The following SOAT2 variants were observed in gnomAD, a reference collection of about 807,000 sequenced individuals.
SOAT2 encodes ACAT-2.
In SOAT2, 87 loss-of-function variants were observed where a neutral mutation model predicts 76.0. The observed-to-expected ratio is 1.14, with a 90% CI of 0.96 to 1.37. The LOEUF is 1.37. SOAT2 is among the 40% of genes most tolerant of loss of function. SOAT2 has a pLI of 0.00. For synonymous variants in SOAT2, 285 were observed against 275.4 expected (o/e 1.03, Z -0.34); for missense variants, 686 against 682.1 (o/e 1.01, Z -0.06).
In SOAT2 at chr12:53,124,340, A is replaced by G. The variant is rs763907772; in HGVS notation, c.*217A>G. 12 of 601,594 alleles carry G rather than the reference A, an allele frequency of 2.0e-5. No individual in the cohort carries two copies. The highest frequency in any genetic ancestry group is 3.3e-5 in the Non-Finnish European group (11 of 336,712). 37.3% of individuals were successfully genotyped at this position (601,594 alleles called of 1,614,324 possible). The stretch of plus-strand genomic sequence containing the variant: ...TGGGGGTGACCAGGGTGACTCTTCA[A>G]TCCCTATCCCCATGGGCTGGGTACA... On this transcript the variant is annotated 3_prime_UTR_variant, in exon 15 of 15. Transcript: ENST00000301466.
rs747763237 is a variant in SOAT2, at chr12:53,121,356, G to A, written c.1191G>A (p.Val397=). The A allele has an allele frequency of 1.9e-6, 3 of 1,614,140 alleles. No individual in the cohort carries two copies. The highest frequency in any genetic ancestry group is 4.5e-5 in the East Asian group (2 of 44,884). ...ACTACTACCGCACTTGGAACGTGGT[G>A]GTCCATGACTGGCTGTACAGCTACG... ...FSNYYRTWNV[V]VHDWLYSYVY... The change falls in exon 12 of 15, where the codon GTG becomes GTA. Residue 397 remains valine (V), a synonymous_variant. Coordinates refer to ENST00000301466, the MANE Select transcript of SOAT2 (RefSeq NM_003578.4).
chr12:53,106,072 T>C, intron 5 of SOAT2, 58 bp downstream of exon 5: 1 of 1,251,272 alleles, frequency 8.0e-7, no homozygotes. Flanking sequence ...CTCTGGGTCC[T>C]CAGTGCCCCA....
intron 12 of SOAT2, among the ~76,000 whole-genome samples, 181 bp downstream of exon 12, chr12:53,121,582 C>T (rs1475784902): frequency 1.3e-5 from 2 of 152,124 alleles, no homozygotes; most frequent in African/African-American, 4.8e-5. Context: ...AAAGTCCTTG[C>T]AATCTTAACT....
chr12:53,118,510 T>A, intron 8 of SOAT2, 76 bp downstream of exon 8: 5 of 1,068,260 alleles, frequency 4.7e-6, no homozygotes, highest in Non-Finnish European at 7.3e-6. Context: ...CTCCCTGAGG[T>A]CCTCAGGCTC....
chr12:53,117,252 C>T (rs780828077), intron 7 of SOAT2, among the ~76,000 whole-genome samples: 15 of 149,558 alleles, frequency 1.0e-4, no homozygotes, highest in South Asian at 8.5e-4. Context: ...TGAGCCACCG[C>T]GCCCGGCCAA....
At chr12:53,114,629 G>A (rs1488058538) in intron 5 of SOAT2, among the ~76,000 whole-genome samples, 2 of 152,198 alleles carry the variant, frequency 1.3e-5, no homozygotes, top group Admixed American at 1.3e-4. Context: ...GCTGAAGCAG[G>A]ATAATTGTTT....
At chr12:53,116,944 T>C (rs73307220) in intron 7 of SOAT2, among the ~76,000 whole-genome samples, 27 of 149,990 alleles carry the variant, frequency 1.8e-4, no homozygotes, top group Admixed American at 6.0e-4. Flanking sequence ...ACGTTATTAA[T>C]TGGCCCAATT....
chr12:53,115,687 G>A, intron 6 of SOAT2, 33 bp downstream of exon 6: 1 of 1,480,608 alleles, frequency 6.8e-7, no homozygotes. Flanking sequence ...GGACAGGAAG[G>A]AACCAGCTGG....
At chr12:53,108,063 C>T (rs1240700660) in intron 5 of SOAT2, among the ~76,000 whole-genome samples, 1 of 152,108 alleles carries the variant, frequency 6.6e-6, no homozygotes, top group African/African-American at 2.4e-5. Flanking sequence ...TTCACATAGG[C>T]CTTTTAAATT....
intron 12 of SOAT2, 64 bp downstream of exon 12, chr12:53,121,465 C>A: frequency 7.5e-7 from 1 of 1,334,884 alleles, no homozygotes; most frequent in Non-Finnish European, 1.1e-6. Context: ...CTTCCCTCTC[C>A]TTCCCTCCTG....
Position 53,121,353 on chromosome 12 carries a change from G to A in SOAT2, c.1188G>A (p.Val396=), listed in dbSNP as rs778509661. ...SFSNYYRTWN[V]VVHDWLYSYV... ...CCAACTACTACCGCACTTGGAACGT[G>A]GTGGTCCATGACTGGCTGTACAGCT... Residue 396 remains valine (V), a synonymous_variant, in exon 12 of 15, where the codon GTG becomes GTA. Transcript: ENST00000301466. 3.7e-6 allele frequency: 6 copies of A among 1,614,162 alleles called. No individual in the cohort carries two copies. In the South Asian group the frequency reaches 5.5e-5, roughly 15 times the overall value.
intron 10 of SOAT2, 106 bp from the exon 11 acceptor site, chr12:53,120,680 T>C: frequency 1.3e-6 from 1 of 743,622 alleles, no homozygotes. Context: ...ATGGTAAGAG[T>C]TGGGGCCCTG....
intron 8 of SOAT2, 144 bp downstream of exon 8, chr12:53,118,578 T>G (rs1938141339): frequency 1.5e-6 from 1 of 677,908 alleles, no homozygotes; most frequent in Non-Finnish European, 2.6e-6. Flanking sequence ...GGGAAATAGG[T>G]GACTGGTAGA....
chr12:53,115,618 C>T lies in SOAT2; in HGVS notation c.672C>T (p.Leu224=). 2 of 1,560,288 alleles carry T rather than the reference C, an allele frequency of 1.3e-6. No homozygotes were observed. The highest frequency in any genetic ancestry group is 2.3e-5 in the South Asian group (2 of 86,696). ...LPVHVAVEHQ[L]PPASRCVLVF... ...TCCACGTGGCCGTGGAGCATCAGCT[C>T]CCGCCGGCCTCCCGTTGTGTCCTGG... is the stretch of plus-strand genomic sequence containing the variant. Residue 224 remains leucine, a synonymous_variant, in exon 6 of 15, where the codon CTC becomes CTT. Coordinates refer to ENST00000301466, the MANE Select transcript of SOAT2 (RefSeq NM_003578.4).
Position 53,120,869 on chromosome 12 carries a change from A to G in SOAT2, c.1123A>G (p.Arg375Gly), listed in dbSNP as rs761097255. ...TGCCGAGATGCTACGATTTGGAGAC[A>G]GGATGTTCTACCGGGTGGGGCCTGG... ...AFAEMLRFGD[R>G]MFYRDWWNST... is the part of the protein sequence containing the mutation. The change falls in exon 11 of 15, where the codon AGG becomes GGG. Residue 375 changes from arginine (R) to glycine (G), a missense_variant. By Grantham distance (125) the Arg-to-Gly change is moderately radical. Coordinates refer to ENST00000301466, the MANE Select transcript of SOAT2 (RefSeq NM_003578.4). The G allele has an allele frequency of 6.2e-7, 1 of 1,613,640 alleles. No homozygotes were observed. Among genetic ancestry groups the G allele is most frequent in the South Asian group, 1.1e-5 (1 of 91,078 alleles).
intron 8 of SOAT2, 123 bp downstream of exon 8, chr12:53,118,557 A>T (rs552666137): frequency 4.1e-6 from 3 of 728,868 alleles, no homozygotes; most frequent in Non-Finnish European, 2.4e-6. Flanking sequence ...GAAGCATCTC[A>T]TAATAAAGAT....
Position 53,115,507 on chromosome 12 carries a change from G to C in SOAT2, c.561G>C (p.Leu187=). 3 of 1,608,552 alleles carry C rather than the reference G, an allele frequency of 1.9e-6. No individual in the cohort carries two copies. The highest frequency in any genetic ancestry group is 2.5e-6 in the Non-Finnish European group (3 of 1,179,418). ...TLLAPYQALR[L]WARGTWTQAT... ...TGGCGCCGTACCAGGCCCTACGGCT[G>C]TGGGCCAGGGGCACCTGGACGCAGG... The change falls in exon 6 of 15, where the codon CTG becomes CTC. Residue 187 remains leucine, a synonymous_variant. Transcript: ENST00000301466.
At position 53,115,705 on chromosome 12, in the gene SOAT2, A is replaced by G. The variant is rs369964730; in HGVS notation, c.708+51A>G. The stretch of plus-strand genomic sequence containing the variant: ...CAGGAAGGAACCAGCTGGTGGGGCC[A>G]TCTCAGCAGAGGGGGAGTCCCCCAA... On this transcript the variant is annotated intron_variant, in intron 6 of 14. Coordinates refer to ENST00000301466, the MANE Select transcript of SOAT2 (RefSeq NM_003578.4). 202 of 1,457,338 alleles carry G rather than the reference A, an allele frequency of 1.4e-4. No homozygotes were observed. In the African/African-American group the frequency reaches 2.4e-3, roughly 18 times the overall value. 90.3% of individuals were successfully genotyped at this position (1,457,338 alleles called of 1,614,324 possible).
intron 5 of SOAT2, among the ~76,000 whole-genome samples, chr12:53,112,545 C>CAAAAAAAA (rs71095977): frequency 9.3e-4 from 54 of 58,044 alleles, no homozygotes; most frequent in Non-Finnish European, 1.2e-3. Flanking sequence ...AACTCTGTCT[C>CAAAAAAAA]AAAAAAAAAA....
Sources: allele counts gnomAD v4.1 joint callset (sites outside exome capture counted in the v4.1 genomes callset), GRCh38; gene constraint gnomAD v4.1.1; transcripts MANE v1.5; gene names NCBI Gene and HGNC (gene_info 2026-07-23, HGNC 2026-07-21).